Variants in SLC36A1 observed in about 807,000 individuals in gnomAD.
The protein encoded by SLC36A1 is solute carrier family 36 member 1.
A neutral mutation model predicts 47.5 loss-of-function variants in SLC36A1; 30 were observed. That is an observed-to-expected ratio of 0.63 (90% CI 0.47 to 0.86). The LOEUF (loss-of-function observed/expected upper bound fraction) is 0.86. Among genes scored for constraint, SLC36A1 ranks in the 40% least tolerant of loss-of-function variants. SLC36A1 has a pLI of 0.00. For synonymous variants in SLC36A1, 255 were observed against 249.7 expected, an observed-to-expected ratio of 1.02 and a Z score of -0.20; for missense variants, 517 against 606.0, an observed-to-expected ratio of 0.85 and a Z score of 1.54.
the SLC36A1 span, chr5:151,543,130 C>T: frequency 6.2e-7 from 1 of 1,614,180 alleles, no homozygotes; most frequent in Non-Finnish European, 8.5e-7. Context: ...AGGAGGGCCT[C>T]CATCTTGGGC....
At chr5:151,463,235 AAGGATAG>A (rs1755818855) in intron 2 of SLC36A1, among the ~76,000 whole-genome samples, 1 of 152,144 alleles carries the variant, frequency 6.6e-6, no homozygotes, top group East Asian at 1.9e-4. Context: ...TACACTTGGA[AAGGATAG>A]AGTGTCTGAA....
chr5:151,541,790 C>T, the SLC36A1 span, among the ~76,000 whole-genome samples: 1 of 152,308 alleles, frequency 6.6e-6, no homozygotes, highest in African/African-American at 2.4e-5. Flanking sequence ...CCTTGGTTTC[C>T]ACATACGTGA....
chr5:151,396,409 T>C, the SLC36A1 span, among the ~76,000 whole-genome samples: 1 of 152,148 alleles, frequency 6.6e-6, no homozygotes, highest in Non-Finnish European at 1.5e-5. Flanking sequence ...CCTTCTCTTA[T>C]TATTATTAAT....
In SLC36A1 at chr5:151,458,925, A is replaced by C. The variant is rs754898078; in HGVS notation, c.133A>C (p.Asn45His). ...PGSYQRFGQS[N>H]STTWFQTLIH... is the part of the protein sequence containing the mutation. The stretch of plus-strand genomic sequence containing the variant: ...CTCCTACCAGCGCTTTGGTCAAAGC[A>C]ATAGCACAACGTGAGTAGCTGTTAC... The change falls in exon 2 of 11, where the codon AAT (asparagine) becomes CAT (histidine). Residue 45 changes from asparagine to histidine, a missense_variant. Transcript: ENST00000243389. 1.2e-6 allele frequency: 2 copies of C among 1,611,164 alleles called. No individual in the cohort carries two copies. Among genetic ancestry groups the C allele is most frequent in the East Asian group, 4.5e-5 (2 of 44,810 alleles).
At chr5:151,347,032 A>C in the SLC36A1 span, among the ~76,000 whole-genome samples, 3 of 152,150 alleles carry the variant, frequency 2.0e-5, no homozygotes, top group Non-Finnish European at 4.4e-5. Flanking sequence ...TTATCCTGCC[A>C]ATGACTCAGT....
chr5:151,407,057 G>A, the SLC36A1 span, among the ~76,000 whole-genome samples: 1 of 152,162 alleles, frequency 6.6e-6, no homozygotes, highest in Admixed American at 6.5e-5. Context: ...CCTCCCAGTG[G>A]GTTCATGGTC....
chr5:151,472,224 G>A (rs1192350390), intron 7 of SLC36A1, among the ~76,000 whole-genome samples: 2 of 152,272 alleles, frequency 1.3e-5, no homozygotes, highest in Non-Finnish European at 2.9e-5. Context: ...TGAAGAACTC[G>A]AGGTCTGATG....
At chr5:151,554,591 G>A in the SLC36A1 span, 3 of 1,614,148 alleles carry the variant, frequency 1.9e-6, no homozygotes, top group Admixed American at 3.3e-5. Flanking sequence ...GAATATAGGT[G>A]GATTGTCATT....
At chr5:151,376,649 T>A in the SLC36A1 span, among the ~76,000 whole-genome samples, 1 of 152,138 alleles carries the variant, frequency 6.6e-6, no homozygotes, top group Non-Finnish European at 1.5e-5. Context: ...TTTTTTTTTT[T>A]GAGATGGAGT....
chr5:151,364,539 T>A, the SLC36A1 span, among the ~76,000 whole-genome samples: 1 of 152,234 alleles, frequency 6.6e-6, no homozygotes, highest in African/African-American at 2.4e-5. Context: ...ATTTTAATTA[T>A]ACTATTAAAT....
At chr5:151,382,311 C>T in the SLC36A1 span, 4 of 1,061,508 alleles carry the variant, frequency 3.8e-6, no homozygotes, top group Non-Finnish European at 5.8e-6. Context: ...GCACAGTCGC[C>T]TCAGCAGCCT....
the SLC36A1 span, among the ~76,000 whole-genome samples, chr5:151,365,083 G>A: frequency 6.6e-6 from 1 of 152,160 alleles, no homozygotes; most frequent in Non-Finnish European, 1.5e-5. Flanking sequence ...TTGGGGTAGA[G>A]TCTGCTCCTC....
chr5:151,371,401 T>C, the SLC36A1 span, among the ~76,000 whole-genome samples: 140 of 152,314 alleles, frequency 9.2e-4, no homozygotes, highest in Non-Finnish European at 6.6e-4. Flanking sequence ...ATTATCCCCC[T>C]AGCCCTAGAC....
intron 10 of SLC36A1, among the ~76,000 whole-genome samples, chr5:151,485,123 G>C (rs1759348912): frequency 6.6e-6 from 1 of 152,162 alleles, no homozygotes; most frequent in Non-Finnish European, 1.5e-5. Context: ...CAACCCTCAA[G>C]GTTTGGGGGA....
the SLC36A1 span, among the ~76,000 whole-genome samples, chr5:151,555,367 C>CTTTT: frequency 5.1e-4 from 63 of 123,082 alleles, no homozygotes; most frequent in Non-Finnish European, 6.5e-4. Context: ...TAATATATTT[C>CTTTT]TTTTTTTTTT....
chr5:151,532,113 G>C, the SLC36A1 span: 26 of 1,069,240 alleles, frequency 2.4e-5, no homozygotes, highest in African/African-American at 3.2e-5. Context: ...AAGAGTGAGG[G>C]TCTCTCCAGC....
the SLC36A1 span, among the ~76,000 whole-genome samples, chr5:151,499,366 T>C: frequency 6.6e-6 from 1 of 152,174 alleles, no homozygotes; most frequent in Non-Finnish European, 1.5e-5. Context: ...TCTGGCACCC[T>C]AGCAGGCTGG....
chr5:151,532,072 A>G, the SLC36A1 span: 95 of 1,457,692 alleles, frequency 6.5e-5, no homozygotes, highest in Non-Finnish European at 8.7e-5. Flanking sequence ...AGGGGCTCCC[A>G]TGAAGGCGGA....
At chr5:151,548,584 G>A in the SLC36A1 span, among the ~76,000 whole-genome samples, 4 of 152,038 alleles carry the variant, frequency 2.6e-5, no homozygotes, top group African/African-American at 7.2e-5. Context: ...AGGTTCAAGC[G>A]ATTCTCCTCC....
Sources: allele counts gnomAD v4.1 joint callset (sites outside exome capture counted in the v4.1 genomes callset), GRCh38; gene constraint gnomAD v4.1.1; transcripts MANE v1.5; gene names NCBI Gene and HGNC (gene_info 2026-07-23, HGNC 2026-07-21).